The following EPHA6 variants were observed in gnomAD, a reference collection of about 807,000 sequenced individuals.
EPHA6 encodes the protein EPH receptor A6.
In EPHA6, 50 loss-of-function variants were observed where a neutral mutation model predicts 112.0. The ratio of observed to expected loss-of-function variants is 0.45; its 90% CI spans 0.36 to 0.56. EPHA6 has a LOEUF of 0.56. EPHA6 is among the 20% of genes least tolerant of loss of function. EPHA6 has a pLI of 0.00. For missense variants in EPHA6, 1,280 were observed against 1,417.4 expected, an observed-to-expected ratio of 0.90 and a Z score of 1.56; for synonymous variants, 529 against 490.7, an observed-to-expected ratio of 1.08 and a Z score of -1.03.
intron 10 of EPHA6, among the ~76,000 whole-genome samples, chr3:97,526,778 C>T (rs147166145): frequency 3.2e-3 from 482 of 152,280 alleles, no homozygotes; most frequent in Non-Finnish European, 5.7e-3. Flanking sequence ...TATTCCCAGG[C>T]TGCATTTAAG....
chr3:97,078,006 A>G lies in EPHA6; in HGVS notation c.1114+90013A>G, dbSNP rs1014826112. Reference sequence around the variant, plus strand: ...GATGGTTGAACAAGTTTACACTCCAACCAACAGTGTAATAGTGTTCCTATT... The same window carrying G: ...GATGGTTGAACAAGTTTACACTCCAGCCAACAGTGTAATAGTGTTCCTATT... On this transcript the variant is annotated intron_variant, in intron 3 of 17. Transcript: ENST00000389672. Among the ~76,000 whole-genome samples the G allele has an allele frequency of 2.6e-5, 4 of 152,062 alleles. No homozygotes were observed. In the South Asian group the frequency reaches 6.2e-4, roughly 24 times the overall value.
intron 3 of EPHA6, among the ~76,000 whole-genome samples, chr3:97,103,471 T>G (rs1406626619): frequency 6.6e-6 from 1 of 151,988 alleles, no homozygotes; most frequent in African/African-American, 2.4e-5. Flanking sequence ...TATTTCTGGT[T>G]TGTTTATCCT....
chr3:97,627,641 C>T (rs1445403040), intron 13 of EPHA6, among the ~76,000 whole-genome samples: 1 of 151,720 alleles, frequency 6.6e-6, no homozygotes, highest in Non-Finnish European at 1.5e-5. Context: ...TTAGCATGAG[C>T]CTTTTACTCT....
chr3:97,108,529 T>C (rs1392353883), intron 3 of EPHA6, among the ~76,000 whole-genome samples: 1 of 152,120 alleles, frequency 6.6e-6, no homozygotes, highest in Non-Finnish European at 1.5e-5. Context: ...AATACTTACG[T>C]CAAAATGTTT....
chr3:96,834,756 T>C (rs1327082956), intron 1 of EPHA6, among the ~76,000 whole-genome samples: 2 of 152,026 alleles, frequency 1.3e-5, no homozygotes, highest in Non-Finnish European at 2.9e-5. Flanking sequence ...ATCAAATAGG[T>C]CTGGAACTGA....
At chr3:96,883,059 T>C (rs1195520614) in intron 2 of EPHA6, among the ~76,000 whole-genome samples, 3 of 152,202 alleles carry the variant, frequency 2.0e-5, no homozygotes, top group Non-Finnish European at 4.4e-5. Flanking sequence ...GTAGAAGTGT[T>C]CCCTGTTCAC....
intron 15 of EPHA6, among the ~76,000 whole-genome samples, chr3:97,730,724 A>G (rs1320965769): frequency 6.6e-6 from 1 of 152,120 alleles, no homozygotes; most frequent in Non-Finnish European, 1.5e-5. Context: ...TTAATATAGG[A>G]TTTCTCAAGC....
chr3:97,151,033 A>G (rs2076160110), intron 3 of EPHA6, among the ~76,000 whole-genome samples: 1 of 152,168 alleles, frequency 6.6e-6, no homozygotes, highest in Admixed American at 6.6e-5. Context: ...ACTACATAGA[A>G]GTCTCCAGTA....
chr3:97,471,887 C>T (rs997443943), intron 7 of EPHA6, among the ~76,000 whole-genome samples: 4 of 151,716 alleles, frequency 2.6e-5, no homozygotes, highest in Non-Finnish European at 4.4e-5. Flanking sequence ...TATCACAGCT[C>T]TGGAGACCAA....
chr3:97,140,456 T>C (rs1037038660), intron 3 of EPHA6, among the ~76,000 whole-genome samples: 2 of 152,084 alleles, frequency 1.3e-5, no homozygotes, highest in Non-Finnish European at 2.9e-5. Context: ...TCACCTATAA[T>C]AGATATCCCA....
chr3:97,359,813 G>T (rs1229318801), intron 5 of EPHA6, among the ~76,000 whole-genome samples: 1 of 151,578 alleles, frequency 6.6e-6, no homozygotes, highest in Non-Finnish European at 1.5e-5. Context: ...CCAAAGATCA[G>T]CATGCGGTGT....
chr3:97,607,424 C>T (rs562740273), intron 12 of EPHA6, among the ~76,000 whole-genome samples: 1 of 151,018 alleles, frequency 6.6e-6, no homozygotes, highest in Admixed American at 6.6e-5. Context: ...AATAATTTTT[C>T]TTTTCTATAA....
rs1439256466 is a variant in EPHA6, at chr3:97,216,902, A to G, written c.1115-9362A>G. Among the ~76,000 whole-genome samples the G allele has an allele frequency of 6.6e-5, 10 of 152,342 alleles. No individual in the cohort carries two copies. In the East Asian group the frequency reaches 1.9e-3, roughly 29 times the overall value. On this transcript the variant is annotated intron_variant, in intron 3 of 17. Transcript: ENST00000389672. The stretch of plus-strand genomic sequence containing the variant: ...AATATGAAGACAAAAATAAGAATTT[A>G]GGATGACTCAAGCAGTCTGATTTTT...
chr3:97,584,572 C>T (rs921564909), intron 11 of EPHA6, among the ~76,000 whole-genome samples: 7 of 152,112 alleles, frequency 4.6e-5, no homozygotes, highest in African/African-American at 1.2e-4. Flanking sequence ...ACAAATATTG[C>T]CACTATGATT....
chr3:97,092,295 T>C (rs879499046), intron 3 of EPHA6, among the ~76,000 whole-genome samples: 3 of 151,978 alleles, frequency 2.0e-5, no homozygotes, highest in African/African-American at 4.8e-5. Context: ...GGGGATATCA[T>C]AGAGAAGGTT....
At chr3:96,966,202 T>C (rs1335737475) in intron 2 of EPHA6, among the ~76,000 whole-genome samples, 4 of 152,154 alleles carry the variant, frequency 2.6e-5, no homozygotes, top group African/African-American at 7.2e-5. Flanking sequence ...ATTGAATTTA[T>C]AGATAAAACT....
intron 4 of EPHA6, among the ~76,000 whole-genome samples, chr3:97,226,965 A>G (rs1490926936): frequency 6.6e-6 from 1 of 152,212 alleles, no homozygotes; most frequent in Non-Finnish European, 1.5e-5. Flanking sequence ...TTTGGTTAGA[A>G]GCAGTAGAAT....
At chr3:97,410,270 TAATC>T (rs1012771833) in intron 6 of EPHA6, among the ~76,000 whole-genome samples, 28 of 152,232 alleles carry the variant, frequency 1.8e-4, no homozygotes, top group South Asian at 8.3e-4. Flanking sequence ...TAAAGATAGA[TAATC>T]AGTAACATGC....
intron 2 of EPHA6, among the ~76,000 whole-genome samples, chr3:96,899,234 C>A (rs2038466210): frequency 6.6e-6 from 1 of 152,060 alleles, no homozygotes; most frequent in Admixed American, 6.6e-5. Context: ...ATCACTCTAC[C>A]TTCTGCCTCC....
Sources: gnomAD v4.1 joint callset for allele counts (sites outside exome capture counted in the v4.1 genomes callset) on GRCh38, gnomAD v4.1.1 for gene constraint, MANE v1.5 for transcripts, NCBI Gene and HGNC (gene_info 2026-07-23, HGNC 2026-07-21) for gene names.